The following OR2L13 variants were observed in gnomAD, a reference collection of about 807,000 sequenced individuals.
The protein encoded by OR2L13 is olfactory receptor 2L13.
OR2L13 carries 14 observed loss-of-function variants against 15.3 expected under a neutral mutation model. That is an observed-to-expected ratio of 0.91 (90% CI 0.60 to 1.43). The LOEUF (loss-of-function observed/expected upper bound fraction) is 1.43. Among genes scored for constraint, OR2L13 ranks in the 40% most tolerant of loss-of-function variants. OR2L13 has a pLI of 0.00. For synonymous variants in OR2L13, 152 were observed against 142.9 expected, an observed-to-expected ratio of 1.06 and a Z score of -0.45; for missense variants, 367 against 387.9, an observed-to-expected ratio of 0.95 and a Z score of 0.45.
At chr1:248,088,150 A>G in the OR2L13 span, among the ~76,000 whole-genome samples, 1 of 152,162 alleles carries the variant, frequency 6.6e-6, no homozygotes, top group African/African-American at 2.4e-5. Flanking sequence ...GAGGTAGCAG[A>G]GCGGAAGAAC....
the OR2L13 span, chr1:247,990,200 T>A: frequency 3.2e-6 from 2 of 618,706 alleles, no homozygotes; most frequent in Non-Finnish European, 5.9e-6. Context: ...CCCCTGCAGA[T>A]AAGGGGGAAC....
the OR2L13 span, among the ~76,000 whole-genome samples, chr1:248,012,833 A>T: frequency 4.6e-3 from 705 of 152,220 alleles, 6 homozygotes; most frequent in African/African-American, 0.016. Context: ...ACATTTAAAC[A>T]TTTATAAAAT....
At chr1:248,063,079 T>C in the OR2L13 span, 1 of 152,222 alleles carries the variant, frequency 6.6e-6, no homozygotes, top group African/African-American at 2.4e-5. Flanking sequence ...ACTATTTGGG[T>C]TCTTTAATAG....
the OR2L13 span, among the ~76,000 whole-genome samples, chr1:247,966,589 T>C: frequency 6.6e-6 from 1 of 152,220 alleles, no homozygotes; most frequent in African/African-American, 2.4e-5. Context: ...ATAATCTATA[T>C]AACAACCAAA....
the OR2L13 span, among the ~76,000 whole-genome samples, chr1:248,069,555 A>C: frequency 1.3e-5 from 2 of 152,222 alleles, no homozygotes; most frequent in Non-Finnish European, 2.9e-5. Context: ...GCTAGGAAGA[A>C]ACCGCATCAA....
the OR2L13 span, among the ~76,000 whole-genome samples, chr1:247,940,140 A>G: frequency 6.6e-6 from 1 of 152,182 alleles, no homozygotes; most frequent in Non-Finnish European, 1.5e-5. Context: ...ACATATATAC[A>G]TACACATACT....
the OR2L13 span, among the ~76,000 whole-genome samples, chr1:248,047,524 G>A: frequency 2.6e-5 from 4 of 152,134 alleles, no homozygotes; most frequent in South Asian, 2.1e-4. Flanking sequence ...GAAGGTAACC[G>A]TATGATTAGT....
At chr1:248,069,228 A>G in the OR2L13 span, among the ~76,000 whole-genome samples, 22,879 of 152,094 alleles carry the variant, frequency 0.15, 3,279 homozygotes, top group African/African-American at 0.38. Context: ...CAGAGAGAAA[A>G]GTCGGGTTAC....
At chr1:247,981,878 T>C in the OR2L13 span, among the ~76,000 whole-genome samples, 508 of 151,324 alleles carry the variant, frequency 3.4e-3, 5 homozygotes, top group African/African-American at 0.012. Context: ...TGCAGTGGTG[T>C]GATCTCAGCT....
At chr1:248,050,689 A>G in the OR2L13 span, among the ~76,000 whole-genome samples, 3 of 152,194 alleles carry the variant, frequency 2.0e-5, no homozygotes, top group South Asian at 6.2e-4. Flanking sequence ...TAAAACACAA[A>G]TGATACAAAT....
the OR2L13 span, among the ~76,000 whole-genome samples, chr1:248,033,790 T>C: frequency 1.3e-5 from 2 of 152,042 alleles, no homozygotes; most frequent in East Asian, 3.8e-4. Context: ...ACCAATGTCA[T>C]ACTGTTTTGA....
At chr1:248,003,505 T>C in the OR2L13 span, 1 of 1,612,014 alleles carries the variant, frequency 6.2e-7, no homozygotes, top group Admixed American at 1.7e-5. Context: ...GCATTGCTAT[T>C]TGCTTTCCTC....
At chr1:248,040,723 G>A in the OR2L13 span, 1 of 152,136 alleles carries the variant, frequency 6.6e-6, no homozygotes, top group Admixed American at 6.6e-5. Context: ...TATTTGTAAG[G>A]CTTGCTGTCA....
At chr1:248,073,568 T>G in the OR2L13 span, among the ~76,000 whole-genome samples, 2 of 151,952 alleles carry the variant, frequency 1.3e-5, no homozygotes, top group Non-Finnish European at 2.9e-5. Flanking sequence ...ATGGCACATT[T>G]ATACATATGT....
the OR2L13 span, chr1:248,022,069 A>G: frequency 6.2e-7 from 1 of 1,613,786 alleles, no homozygotes; most frequent in Non-Finnish European, 8.5e-7. Flanking sequence ...CTAATTGGAA[A>G]CCTATCCATG....
chr1:248,094,971 C>T (rs1664683326), upstream of OR2L13, among the ~76,000 whole-genome samples: 3 of 152,160 alleles, frequency 2.0e-5, no homozygotes, highest in African/African-American at 7.2e-5. Context: ...TAGTCTGATT[C>T]TGGGTAGCAG....
At chr1:248,020,253 G>A in the OR2L13 span, among the ~76,000 whole-genome samples, 1 of 152,168 alleles carries the variant, frequency 6.6e-6, no homozygotes, top group African/African-American at 2.4e-5. Context: ...AAGAAATAAA[G>A]AGCATCCAAA....
At chr1:248,027,551 G>A in the OR2L13 span, among the ~76,000 whole-genome samples, 7 of 151,936 alleles carry the variant, frequency 4.6e-5, no homozygotes, top group East Asian at 5.8e-4. Flanking sequence ...TGTCTCCCCC[G>A]GACACCCAGC....
At chr1:248,096,977 A>G (rs983750981), upstream of OR2L13, among the ~76,000 whole-genome samples, 3 of 152,128 alleles carry the variant, frequency 2.0e-5, no homozygotes, top group East Asian at 1.9e-4. Context: ...GGGGCTCTGG[A>G]CTGACTTGTG....
Sources: allele counts gnomAD v4.1 joint callset (sites outside exome capture counted in the v4.1 genomes callset), GRCh38; gene constraint gnomAD v4.1.1; transcripts MANE v1.5; gene names NCBI Gene and HGNC (gene_info 2026-07-23, HGNC 2026-07-21).